RALGPS2: variants seen among roughly 807,000 people sequenced by gnomAD.
RALGPS2 encodes the protein ras-specific guanine nucleotide-releasing factor RalGPS2.
RALGPS2 carries 43 observed loss-of-function variants against 86.8 expected under a neutral mutation model. The ratio of observed to expected loss-of-function variants is 0.50; its 90% CI spans 0.39 to 0.64. RALGPS2 has a LOEUF of 0.64. Among genes scored for constraint, RALGPS2 ranks in the 30% least tolerant of loss-of-function variants. The pLI, the probability that RALGPS2 is intolerant of heterozygous loss-of-function variation, is 0.00. For missense variants in RALGPS2, 536 were observed against 694.6 expected (o/e 0.77, Z 2.57); for synonymous variants, 243 against 231.3 (o/e 1.05, Z -0.46).
Position 178,739,205 on chromosome 1 carries a change from G to T in RALGPS2, c.-84+13786G>T, listed in dbSNP as rs549850172. ...GTCTACTTAAAGAGCAACATTTTGAGGATATCTTATGGATAAGAAACTCTG... is the reference window on the plus strand; with the variant it reads ...GTCTACTTAAAGAGCAACATTTTGATGATATCTTATGGATAAGAAACTCTG... On this transcript the variant is annotated intron_variant, in intron 1 of 19. Coordinates refer to ENST00000367635, the MANE Select transcript of RALGPS2 (RefSeq NM_152663.5). 2.0e-5 allele frequency among the ~76,000 whole-genome samples: 3 copies of T among 152,224 alleles called. No individual in the cohort carries two copies. The East Asian group carries it at 5.8e-4, about 29-fold the overall frequency.
At chr1:178,810,355 C>T (rs904156265) in intron 5 of RALGPS2, among the ~76,000 whole-genome samples, 6 of 152,150 alleles carry the variant, frequency 3.9e-5, no homozygotes, top group African/African-American at 1.2e-4. Context: ...CCACTACACT[C>T]CAGCCTGGGC....
At chr1:178,735,721 G>A (rs1320048978) in intron 1 of RALGPS2, among the ~76,000 whole-genome samples, 3 of 143,694 alleles carry the variant, frequency 2.1e-5, no homozygotes, top group African/African-American at 7.8e-5. Context: ...CATTATATTT[G>A]TACATGTATC....
rs942638762 is a variant in RALGPS2 at position 178,919,475 on chromosome 1, C to T, written c.*3116C>T. On this transcript the variant is annotated 3_prime_UTR_variant, in exon 20 of 20. Transcript: ENST00000367635. ...CTCTTCTAGAAGATTTATGAGGAGC[C>T]TAGGAAGCACTATTGGTACAGGAGG... is the stretch of plus-strand genomic sequence containing the variant. 4 of 151,784 alleles carry T rather than the reference C, an allele frequency of 2.6e-5. No individual in the cohort carries two copies. Among genetic ancestry groups the T allele is most frequent in the Non-Finnish European group, 5.9e-5 (4 of 67,822 alleles). The allele number at this position is 151,784 out of a possible 1,614,324, so 9.4% of individuals were successfully genotyped here.
intron 1 of RALGPS2, among the ~76,000 whole-genome samples, chr1:178,744,817 C>CAAAAAAAA (rs148175568): frequency 7.6e-5 from 5 of 66,020 alleles, no homozygotes; most frequent in Non-Finnish European, 1.0e-4. Context: ...GACTCCATCT[C>CAAAAAAAA]AAAAAAAAAA....
chr1:178,885,976 C>A lies in RALGPS2; in HGVS notation c.1048C>A (p.His350Asn). The A allele has an allele frequency of 6.3e-7, 1 of 1,581,414 alleles. No homozygotes were observed. The highest frequency in any genetic ancestry group is 8.6e-7 in the Non-Finnish European group (1 of 1,168,662). ...TTTTTTTTCTGTTTCTAGTTTCATT[C>A]ATAAAATGAACACAGCAGAATTTAA... ...KCHSLGYNFIHKMNTAEFKSA... is the reference protein window; with the variant it reads ...KCHSLGYNFINKMNTAEFKSA... Residue 350 changes from histidine (H) to asparagine (N), a missense_variant, in exon 13 of 20, where the codon CAT becomes AAT. This residue lies in a region of RALGPS2 where 309 missense variants were observed against 363.0 expected (regional missense o/e 0.85). Coordinates refer to ENST00000367635, the MANE Select transcript of RALGPS2 (RefSeq NM_152663.5).
At chr1:178,751,151 C>G (rs961037650) in intron 1 of RALGPS2, among the ~76,000 whole-genome samples, 2 of 152,284 alleles carry the variant, frequency 1.3e-5, no homozygotes, top group South Asian at 2.1e-4. Context: ...GTCCCTCCCC[C>G]CCAAACCCTT....
intron 10 of RALGPS2, chr1:178,879,830 A>T (rs1659162454): frequency 6.6e-6 from 1 of 151,442 alleles, no homozygotes; most frequent in Non-Finnish European, 1.5e-5. Context: ...AATCATTTTT[A>T]AAATAGCTGA....
At chr1:178,820,379 G>A (rs1361683084) in intron 6 of RALGPS2, among the ~76,000 whole-genome samples, 1 of 152,130 alleles carries the variant, frequency 6.6e-6, no homozygotes, top group African/African-American at 2.4e-5. Context: ...GGCTTCACAT[G>A]TAAAAATGGC....
intron 11 of RALGPS2, among the ~76,000 whole-genome samples, chr1:178,884,436 A>G (rs12128654): frequency 0.046 from 6,901 of 149,754 alleles, 158 homozygotes; most frequent in Non-Finnish European, 0.057. Context: ...AGTTTCATGT[A>G]TATTCTAAAA....
chr1:178,880,046 A>T (rs145918854), intron 10 of RALGPS2, among the ~76,000 whole-genome samples: 2 of 151,946 alleles, frequency 1.3e-5, no homozygotes, highest in Non-Finnish European at 2.9e-5. Flanking sequence ...TAAAAAGTTT[A>T]TTTAGCTTTA....
At chr1:178,771,024 A>G (rs1415093332) in intron 1 of RALGPS2, among the ~76,000 whole-genome samples, 2 of 151,138 alleles carry the variant, frequency 1.3e-5, no homozygotes, top group East Asian at 3.9e-4. Context: ...TTTTTAGTGG[A>G]GACGGGGTTT....
At chr1:178,833,352 A>G in intron 7 of RALGPS2, 72 bp from the exon 8 acceptor site, 1 of 1,326,528 alleles carries the variant, frequency 7.5e-7, no homozygotes, top group East Asian at 2.8e-5. Flanking sequence ...AGTAAATACA[A>G]CTTCAGTTCA....
At chr1:178,756,340 T>G (rs1651956797) in intron 1 of RALGPS2, among the ~76,000 whole-genome samples, 1 of 152,190 alleles carries the variant, frequency 6.6e-6, no homozygotes, top group Non-Finnish European at 1.5e-5. Flanking sequence ...TTGTATATGG[T>G]AAAAGGTAGG....
intron 1 of RALGPS2, among the ~76,000 whole-genome samples, chr1:178,738,479 G>A (rs928050508): frequency 1.3e-5 from 2 of 152,086 alleles, no homozygotes; most frequent in Admixed American, 1.3e-4. Context: ...AAAGTGCTAG[G>A]ATTACAGGTG....
intron 4 of RALGPS2, among the ~76,000 whole-genome samples, chr1:178,798,340 A>G (rs1654303162): frequency 6.6e-6 from 1 of 152,228 alleles, no homozygotes; most frequent in South Asian, 2.1e-4. Flanking sequence ...GCTGAAAATG[A>G]TGATGCTAAT....
rs143753004 is a variant in RALGPS2 at position 178,920,751 on chromosome 1, C to T, written c.*4392C>T. ...TTAATTGTAAGGCCTTTTGGAAAAG[C>T]CCTAAAAGAATAAGATACAACCAGA... On this transcript the variant is annotated 3_prime_UTR_variant, in exon 20 of 20. Coordinates refer to ENST00000367635, the MANE Select transcript of RALGPS2 (RefSeq NM_152663.5). 1.8e-4 allele frequency: 27 copies of T among 152,000 alleles called. 1 individual carries two copies. In the East Asian group the frequency reaches 4.1e-3, roughly 23 times the overall value. The allele number at this position is 152,000 out of a possible 1,614,324, so 9.4% of individuals were successfully genotyped here.
At chr1:178,787,059 A>C (rs991285662) in intron 4 of RALGPS2, among the ~76,000 whole-genome samples, 1 of 152,084 alleles carries the variant, frequency 6.6e-6, no homozygotes, top group Non-Finnish European at 1.5e-5. Flanking sequence ...AAGAAGAACA[A>C]TGTATTCTAT....
intron 6 of RALGPS2, among the ~76,000 whole-genome samples, chr1:178,813,220 A>G (rs1417873706): frequency 2.6e-5 from 4 of 152,200 alleles, no homozygotes; most frequent in African/African-American, 9.6e-5. Context: ...GGCGTGAGCC[A>G]CTGCACCCGG....
chr1:178,846,426 A>T (rs1656869202), intron 8 of RALGPS2, among the ~76,000 whole-genome samples: 1 of 152,106 alleles, frequency 6.6e-6, no homozygotes, highest in South Asian at 2.1e-4. Context: ...TTTCTTTTGG[A>T]TTTGAGAATA....
Sources: allele counts gnomAD v4.1 joint callset (sites outside exome capture counted in the v4.1 genomes callset), GRCh38; gene constraint gnomAD v4.1.1; regional missense constraint gnomAD v4.1.1; transcripts MANE v1.5; gene names NCBI Gene and HGNC (gene_info 2026-07-23, HGNC 2026-07-21).